The following NOX4 variants were observed in gnomAD, a reference collection of about 807,000 sequenced individuals.
NOX4 encodes NADPH oxidase 4.
In NOX4, 69 loss-of-function variants were observed where a neutral mutation model predicts 87.6. The ratio of observed to expected loss-of-function variants is 0.79; its 90% confidence interval spans 0.65 to 0.96. The LOEUF is 0.96. Among genes scored for constraint, NOX4 ranks in the 40% least tolerant of loss-of-function variants. The pLI is 0.00. For synonymous variants in NOX4, 275 were observed against 238.2 expected (o/e 1.15, Z -1.42); for missense variants, 680 against 681.5 (o/e 1.00, Z 0.02).
At chr11:89,337,863 C>A (rs1398765461) in intron 15 of NOX4, among the ~76,000 whole-genome samples, 1 of 151,670 alleles carries the variant, frequency 6.6e-6, no homozygotes, top group Non-Finnish European at 1.5e-5. Context: ...AAAATTGTAC[C>A]AGTTTACTCA....
chr11:89,336,047 A>T, intron 16 of NOX4, 102 bp from the exon 17 acceptor site: 1 of 622,084 alleles, frequency 1.6e-6, no homozygotes, highest in Non-Finnish European at 2.8e-6. Context: ...AATTGCTGTG[A>T]TATAAAGAAT....
chr11:89,420,693 C>A (rs1268616670), intron 8 of NOX4, among the ~76,000 whole-genome samples: 1 of 152,122 alleles, frequency 6.6e-6, no homozygotes, highest in Non-Finnish European at 1.5e-5. Context: ...TGATAAATTA[C>A]ATTATAAAAC....
At chr11:89,450,242 G>T (rs1295324521) in intron 3 of NOX4, among the ~76,000 whole-genome samples, 1 of 152,150 alleles carries the variant, frequency 6.6e-6, no homozygotes, top group Non-Finnish European at 1.5e-5. Flanking sequence ...TATTTTCACA[G>T]ATTACTGCAT....
At chr11:89,464,806 A>T (rs16913312) in intron 2 of NOX4, among the ~76,000 whole-genome samples, 8,802 of 152,280 alleles carry the variant, frequency 0.058, 779 homozygotes, top group African/African-American at 0.2. Flanking sequence ...AAAATGAGGA[A>T]GTATAAACAA....
the NOX4 span, among the ~76,000 whole-genome samples, chr11:89,588,828 TC>T: frequency 6.6e-6 from 1 of 152,162 alleles, no homozygotes; most frequent in Non-Finnish European, 1.5e-5. Context: ...GTGCTGTGGC[TC>T]CTACCCACAG....
intron 6 of NOX4, among the ~76,000 whole-genome samples, chr11:89,438,693 TATATA>T (rs1457290120): frequency 0.011 from 855 of 79,878 alleles, 11 homozygotes; most frequent in Middle Eastern, 0.047. Context: ...CTATAAATAA[TATATA>T]ATATACTATA....
chr11:89,327,986 C>A (rs577976084), intron 17 of NOX4, among the ~76,000 whole-genome samples: 9 of 152,234 alleles, frequency 5.9e-5, no homozygotes, highest in African/African-American at 2.2e-4. Flanking sequence ...AGAAAACAAG[C>A]TAAGCACCGT....
At chr11:89,555,640 C>T in the NOX4 span, among the ~76,000 whole-genome samples, 47 of 151,870 alleles carry the variant, frequency 3.1e-4, no homozygotes, top group African/African-American at 1.1e-3. Flanking sequence ...GAATTTGGGA[C>T]GGGAAAGGCA....
chr11:89,552,599 T>C, the NOX4 span, among the ~76,000 whole-genome samples: 1 of 152,202 alleles, frequency 6.6e-6, no homozygotes, highest in South Asian at 2.1e-4. Context: ...TTTATTTATG[T>C]TCTTTCAGTC....
rs780113489 is a variant in NOX4, at chr11:89,491,283, G to C, written c.-37C>G. ...CGCCGCGCTGCGCTCTGTGCCCGCC[G>C]GACCGAGAAGGAGCGGGCGGCGGCC... On this transcript the variant is annotated 5_prime_UTR_variant, in exon 1 of 18. Coordinates refer to ENST00000263317, the MANE Select transcript of NOX4 (RefSeq NM_016931.5). The C allele has an allele frequency of 1.9e-6, 3 of 1,592,700 alleles. No homozygotes were observed. Among genetic ancestry groups the C allele is most frequent in the African/African-American group, 2.7e-5 (2 of 74,194 alleles).
chr11:89,368,675 C>G (rs1288978135), intron 12 of NOX4, among the ~76,000 whole-genome samples: 8 of 152,062 alleles, frequency 5.3e-5, no homozygotes, highest in African/African-American at 1.9e-4. Flanking sequence ...TTAATATTAT[C>G]ATATTGGTGA....
the NOX4 span, among the ~76,000 whole-genome samples, chr11:89,536,843 T>C: frequency 6.6e-6 from 1 of 152,206 alleles, no homozygotes; most frequent in Non-Finnish European, 1.5e-5. Flanking sequence ...AATTGCCCAA[T>C]GTATGAAGCC....
intron 7 of NOX4, among the ~76,000 whole-genome samples, chr11:89,425,705 T>TA (rs1943360750): frequency 1.3e-5 from 2 of 152,064 alleles, no homozygotes; most frequent in South Asian, 4.1e-4. Context: ...ATTTAATCTA[T>TA]AAAAATACAC....
intron 11 of NOX4, among the ~76,000 whole-genome samples, chr11:89,376,328 A>G (rs1436181267): frequency 6.6e-6 from 1 of 152,226 alleles, no homozygotes; most frequent in Admixed American, 6.5e-5. Flanking sequence ...ACGTGAATGA[A>G]GATCTTAGAA....
At chr11:89,370,622 A>G (rs1301256801) in intron 12 of NOX4, among the ~76,000 whole-genome samples, 1 of 152,086 alleles carries the variant, frequency 6.6e-6, no homozygotes, top group African/African-American at 2.4e-5. Context: ...TCATTCAATT[A>G]AAAGAGAAAT....
intron 12 of NOX4, among the ~76,000 whole-genome samples, chr11:89,358,628 T>C (rs1938273035): frequency 2.0e-5 from 3 of 151,566 alleles, no homozygotes; most frequent in African/African-American, 2.4e-5. Context: ...TTCAAGTAAA[T>C]GGAAAAATTA....
chr11:89,481,125 G>A, intron 2 of NOX4, among the ~76,000 whole-genome samples: 1 of 151,982 alleles, frequency 6.6e-6, no homozygotes, highest in Admixed American at 6.6e-5. Context: ...AAGCACCCTT[G>A]TGAGCACTGA....
chr11:89,386,244 A>C (rs1013136295), intron 11 of NOX4, among the ~76,000 whole-genome samples: 1 of 151,868 alleles, frequency 6.6e-6, no homozygotes, highest in Non-Finnish European at 1.5e-5. Context: ...CTTGAACCAC[A>C]CCCCAAAAAT....
chr11:89,438,549 AATATACTATATATAATATAAT>A lies in NOX4; in HGVS notation c.475+2118_475+2138del, dbSNP rs1246710057. Reference sequence around the variant, plus strand: ...CTATATATTACACACTATATATAATAATATACTATATATAATATAATATATACTATATATTATATACTATAT... The same window carrying A: ...CTATATATTACACACTATATATAATAATATACTATATATTATATACTATAT... On this transcript the variant is annotated intron_variant, in intron 6 of 17. Coordinates refer to ENST00000263317, the MANE Select transcript of NOX4 (RefSeq NM_016931.5). Among the ~76,000 whole-genome samples, 14 of 89,680 alleles carry A rather than the reference AATATACTATATATAATATAAT, an allele frequency of 1.6e-4. No homozygotes were observed. In the South Asian group the frequency reaches 3.0e-3, roughly 19 times the overall value. 58.8% of individuals were successfully genotyped at this position (89,680 alleles called of 152,430 possible). A position where few individuals can be genotyped will look rare whatever the true frequency, so the allele number is the denominator to read the frequency against.
Sources: gnomAD v4.1 joint callset for allele counts (sites outside exome capture counted in the v4.1 genomes callset) on GRCh38, gnomAD v4.1.1 for gene constraint, MANE v1.5 for transcripts, NCBI Gene and HGNC (gene_info 2026-07-23, HGNC 2026-07-21) for gene names.